ERC1: variants seen among roughly 807,000 people sequenced by gnomAD.
ERC1 encodes the protein RAB6 interacting protein 2.
In ERC1, 56 loss-of-function variants were observed where a neutral mutation model predicts 132.0. The ratio of observed to expected loss-of-function variants is 0.42; its 90% CI spans 0.34 to 0.53. The LOEUF (loss-of-function observed/expected upper bound fraction) is 0.53, where lower values mean the gene tolerates loss of function less well. Ranked by LOEUF, ERC1 falls within the 20% of genes least tolerant of loss-of-function variation. The pLI, the probability that ERC1 is intolerant of heterozygous loss-of-function variation, is 0.03. For missense variants in ERC1, 1,202 were observed against 1,349.9 expected, an observed-to-expected ratio of 0.89 and a Z score of 1.72; for synonymous variants, 478 against 476.1, an observed-to-expected ratio of 1.00 and a Z score of -0.05.
intron 14 of ERC1, among the ~76,000 whole-genome samples, chr12:1,271,168 T>TA (rs1391549019): frequency 6.6e-6 from 1 of 152,212 alleles, no homozygotes; most frequent in African/African-American, 2.4e-5. Context: ...AGATACATTT[T>TA]AAAAATCATA....
intron 15 of ERC1, among the ~76,000 whole-genome samples, chr12:1,359,654 A>T (rs1019352958): frequency 6.6e-6 from 1 of 152,190 alleles, no homozygotes; most frequent in African/African-American, 2.4e-5. Flanking sequence ...GGCCTAGCAT[A>T]CCCTAAGCGT....
At chr12:1,275,148 A>G (rs2078174846) in intron 14 of ERC1, among the ~76,000 whole-genome samples, 1 of 152,232 alleles carries the variant, frequency 6.6e-6, no homozygotes, top group Non-Finnish European at 1.5e-5. Context: ...TTATCTTTTA[A>G]GTAATTTTAA....
At chr12:1,234,115 T>C (rs1353473647) in intron 12 of ERC1, among the ~76,000 whole-genome samples, 1 of 152,194 alleles carries the variant, frequency 6.6e-6, no homozygotes, top group Admixed American at 6.5e-5. Context: ...GAGGAAAATA[T>C]AATGCTTTGT....
chr12:1,199,236 G>A (rs913530149), intron 12 of ERC1, among the ~76,000 whole-genome samples: 23 of 147,098 alleles, frequency 1.6e-4, no homozygotes, highest in Non-Finnish European at 2.7e-4. Flanking sequence ...ACAAACCACC[G>A]TCATGATCCA....
intron 18 of ERC1, among the ~76,000 whole-genome samples, chr12:1,461,911 T>C (rs528732114): frequency 2.6e-5 from 4 of 152,220 alleles, no homozygotes; most frequent in Non-Finnish European, 5.9e-5. Flanking sequence ...GGAAAAAATA[T>C]TCACTAAATA....
intron 7 of ERC1, among the ~76,000 whole-genome samples, chr12:1,121,734 T>A (rs1322202746): frequency 1.7e-4 from 1 of 6,036 alleles, no homozygotes; most frequent in African/African-American, 2.7e-4. Flanking sequence ...TCTCTATCTC[T>A]ATCTCTATCT....
intron 17 of ERC1, among the ~76,000 whole-genome samples, chr12:1,411,424 C>T (rs1210469719): frequency 6.6e-6 from 1 of 151,888 alleles, no homozygotes; most frequent in Admixed American, 6.6e-5. Flanking sequence ...ATGTGTAGAT[C>T]TCTTAACGTT....
rs1199409251 is a variant in ERC1 at position 1,264,465 on chromosome 12, C to A, written c.2619+1300C>A. 3.3e-5 allele frequency among the ~76,000 whole-genome samples: 5 copies of A among 152,198 alleles called. No individual in the cohort carries two copies. The South Asian group carries it at 1.0e-3, about 32-fold the overall frequency. ...ATCACTTGAGGTCAGGAGATCGAGA[C>A]CATCCTGGCTAACACGGTGAAACCC... On this transcript the variant is annotated intron_variant, in intron 14 of 18. Coordinates refer to ENST00000360905, the MANE Select transcript of ERC1 (RefSeq NM_178040.4).
chr12:1,333,086 A>ATCCTCGTCC (rs2083000383), intron 15 of ERC1, among the ~76,000 whole-genome samples: 30 of 133,416 alleles, frequency 2.2e-4, no homozygotes, highest in Admixed American at 2.1e-3. Flanking sequence ...CCTCGTCCTG[A>ATCCTCGTCC]TCCTCGTCCT....
At chr12:1,185,213 G>GT (rs1016463353) in intron 11 of ERC1, among the ~76,000 whole-genome samples, 17 of 150,860 alleles carry the variant, frequency 1.1e-4, no homozygotes, top group Middle Eastern at 3.4e-3. Context: ...CTGGCCTTTT[G>GT]TTTTTTTTTA....
At chr12:1,208,560 C>T (rs1238863961) in intron 12 of ERC1, among the ~76,000 whole-genome samples, 2 of 151,998 alleles carry the variant, frequency 1.3e-5, no homozygotes, top group African/African-American at 2.4e-5. Context: ...ATCCTTGGAG[C>T]ATGGGGGTGA....
At chr12:1,376,203 C>T (rs1352922581) in intron 16 of ERC1, among the ~76,000 whole-genome samples, 1 of 152,056 alleles carries the variant, frequency 6.6e-6, no homozygotes, top group African/African-American at 2.4e-5. Context: ...TTTCTTTTTT[C>T]CACCTGTTCT....
intron 1 of ERC1, among the ~76,000 whole-genome samples, chr12:1,020,223 A>AGTC (rs1309164563): frequency 2.6e-5 from 4 of 152,182 alleles, no homozygotes; most frequent in Non-Finnish European, 4.4e-5. Flanking sequence ...TTGAGAGACC[A>AGTC]AGGCAGATGG....
intron 15 of ERC1, among the ~76,000 whole-genome samples, chr12:1,339,226 C>G (rs1019510319): frequency 7.2e-6 from 1 of 139,622 alleles, no homozygotes; most frequent in Non-Finnish European, 1.5e-5. Flanking sequence ...GCAGAGGCAG[C>G]TCAGCTGGAC....
intron 18 of ERC1, among the ~76,000 whole-genome samples, chr12:1,457,017 G>A (rs1174930104): frequency 5.3e-5 from 8 of 152,160 alleles, no homozygotes; most frequent in African/African-American, 7.2e-5. Flanking sequence ...CAGTGCTCCC[G>A]TAAGATGATA....
intron 2 of ERC1, 114 bp from the exon 3 acceptor site, chr12:1,083,050 C>T: frequency 1.2e-6 from 1 of 836,690 alleles, no homozygotes; most frequent in Non-Finnish European, 1.9e-6. Flanking sequence ...AAGGTGAATC[C>T]TAATTTGCTA....
chr12:1,380,523 C>T (rs1030307477), intron 16 of ERC1: 4 of 152,208 alleles, frequency 2.6e-5, no homozygotes, highest in African/African-American at 9.7e-5. Flanking sequence ...CTCTTTGAGC[C>T]CTCTCTGTCT....
At chr12:1,466,015 G>A (rs1375923767) in intron 18 of ERC1, among the ~76,000 whole-genome samples, 7 of 152,254 alleles carry the variant, frequency 4.6e-5, no homozygotes, top group East Asian at 1.9e-4. Flanking sequence ...CTCAGAAGGC[G>A]CCTTCCAGTG....
chr12:1,374,367 C>T (rs34929071), intron 16 of ERC1, among the ~76,000 whole-genome samples: 72,424 of 151,830 alleles, frequency 0.48, 18,800 homozygotes, highest in African/African-American at 0.68. Flanking sequence ...AATTTACTTA[C>T]CCCCTCTAAC....
Sources: gnomAD v4.1 joint callset for allele counts (sites outside exome capture counted in the v4.1 genomes callset) on GRCh38, gnomAD v4.1.1 for gene constraint, MANE v1.5 for transcripts, NCBI Gene and HGNC (gene_info 2026-07-23, HGNC 2026-07-21) for gene names.